PCP4: variants seen among roughly 807,000 people sequenced by gnomAD.
PCP4 encodes the protein Purkinje cell protein 4, also known as calmodulin regulator protein PCP4.
Under a neutral mutation model 10.0 loss-of-function variants are expected in PCP4, and 8 were observed. That is an observed-to-expected ratio of 0.80 (90% CI 0.47 to 1.45). The LOEUF (loss-of-function observed/expected upper bound fraction) is 1.45. PCP4 is among the 40% of genes most tolerant of loss of function. The pLI is 0.00. For synonymous variants in PCP4, 21 were observed against 23.0 expected (o/e 0.91, Z 0.24); for missense variants, 54 against 74.4 (o/e 0.73, Z 1.01).
chr21:39,928,308 A>G (rs1464505654), intron 2 of PCP4, among the ~76,000 whole-genome samples: 1 of 152,226 alleles, frequency 6.6e-6, no homozygotes, highest in African/African-American at 2.4e-5. Context: ...GGTAAGGTAT[A>G]CAGCACAGAG....
intron 2 of PCP4, among the ~76,000 whole-genome samples, chr21:39,899,890 A>G (rs1325120834): frequency 6.6e-6 from 1 of 152,186 alleles, no homozygotes; most frequent in East Asian, 1.9e-4. Flanking sequence ...ATAGGGGAGC[A>G]TAGGGCGCTG....
intron 2 of PCP4, among the ~76,000 whole-genome samples, chr21:39,913,556 C>T (rs4143343): frequency 0.92 from 140,501 of 152,320 alleles, 65,008 homozygotes; most frequent in African/African-American, 0.98. Context: ...TATACGGTAG[C>T]GTCTATTTCT....
At chr21:39,896,800 T>C (rs965632491) in intron 1 of PCP4, among the ~76,000 whole-genome samples, 41 of 152,196 alleles carry the variant, frequency 2.7e-4, no homozygotes, top group African/African-American at 9.2e-4. Flanking sequence ...GAATTTCTTA[T>C]GGCAATGTTG....
chr21:39,884,897 A>G (rs750253659), intron 1 of PCP4, among the ~76,000 whole-genome samples: 180 of 152,308 alleles, frequency 1.2e-3, no homozygotes, highest in Non-Finnish European at 9.4e-4. Context: ...CCTTGGCCCT[A>G]GAGCCCACAT....
chr21:39,926,317 T>C (rs920001934), intron 2 of PCP4: 14 of 174,180 alleles, frequency 8.0e-5, no homozygotes, highest in Admixed American at 3.1e-4. Flanking sequence ...CCTCACTGTT[T>C]CATTATATAT....
At chr21:39,915,713 G>T (rs78308060) in intron 2 of PCP4, among the ~76,000 whole-genome samples, 4 of 151,906 alleles carry the variant, frequency 2.6e-5, no homozygotes, top group East Asian at 1.9e-4. Context: ...TATGAACAGA[G>T]GGAAAAAATG....
chr21:39,894,934 C>A (rs532797352), intron 1 of PCP4, among the ~76,000 whole-genome samples: 2 of 152,300 alleles, frequency 1.3e-5, no homozygotes, highest in South Asian at 2.1e-4. Context: ...GAAAAAGAAT[C>A]TTTTCGTTGG....
intron 1 of PCP4, among the ~76,000 whole-genome samples, chr21:39,887,257 G>A (rs1467021557): frequency 1.3e-5 from 2 of 152,008 alleles, no homozygotes; most frequent in African/African-American, 4.8e-5. Flanking sequence ...GTCTTCCAGA[G>A]GTGAGAATGA....
At chr21:39,880,947 A>G (rs1427781923) in intron 1 of PCP4, among the ~76,000 whole-genome samples, 3 of 152,166 alleles carry the variant, frequency 2.0e-5, no homozygotes, top group East Asian at 1.9e-4. Flanking sequence ...TGGAACAAAT[A>G]TCTATTATGA....
At chr21:39,897,578 C>G (rs1225519866) in intron 1 of PCP4, among the ~76,000 whole-genome samples, 6 of 152,138 alleles carry the variant, frequency 3.9e-5, no homozygotes, top group Non-Finnish European at 8.8e-5. Context: ...GCTCCCCAGA[C>G]TTCACACCCA....
intron 2 of PCP4, among the ~76,000 whole-genome samples, chr21:39,903,859 C>G (rs558867332): frequency 7.8e-6 from 1 of 127,868 alleles, no homozygotes; most frequent in South Asian, 2.7e-4. Flanking sequence ...AAGAGTGGGA[C>G]TCCGTCTCAA....
At chr21:39,879,357 A>G (rs561269266) in intron 1 of PCP4, among the ~76,000 whole-genome samples, 1 of 152,228 alleles carries the variant, frequency 6.6e-6, no homozygotes, top group East Asian at 1.9e-4. Context: ...CTTCAAGTTC[A>G]TAGTTATTTT....
rs555333620 is a variant in PCP4, at chr21:39,906,091, GC to G, written c.61+7566del. On this transcript the variant is annotated intron_variant, in intron 2 of 2. Coordinates refer to ENST00000328619, the MANE Select transcript of PCP4 (RefSeq NM_006198.3). This position sits in a 1 kb window ranked among gnomAD's most constrained non-coding sequence, Gnocchi z 6.3. ...CTGTCTTCCCTTTGATGTTACCATGGCCTTGCAGGTGGGTTGGGAGAGGATC... is the reference window on the plus strand; with the variant it reads ...CTGTCTTCCCTTTGATGTTACCATGGCTTGCAGGTGGGTTGGGAGAGGATC... Among the ~76,000 whole-genome samples, 11 of 152,308 alleles carry G rather than the reference GC, an allele frequency of 7.2e-5. No homozygotes were observed. The South Asian group carries it at 2.3e-3, about 32-fold the overall frequency.
intron 2 of PCP4, among the ~76,000 whole-genome samples, chr21:39,902,654 G>A (rs982827937): frequency 3.3e-5 from 5 of 152,070 alleles, no homozygotes; most frequent in Admixed American, 6.5e-5. Context: ...ACTCAAACCC[G>A]ATGTTTCTAC....
At chr21:39,868,395 C>T (rs1287876021) in intron 1 of PCP4, among the ~76,000 whole-genome samples, 1 of 152,190 alleles carries the variant, frequency 6.6e-6, no homozygotes, top group East Asian at 1.9e-4. Flanking sequence ...AAATTAACAA[C>T]TTCAGAAATA....
At chr21:39,912,639 T>C (rs1025416571) in intron 2 of PCP4, among the ~76,000 whole-genome samples, 10 of 152,192 alleles carry the variant, frequency 6.6e-5, no homozygotes, top group African/African-American at 1.7e-4. Context: ...TTCACAACCC[T>C]GGGAAGAACT....
chr21:39,896,432 C>T (rs1468277924), intron 1 of PCP4, among the ~76,000 whole-genome samples: 1 of 152,200 alleles, frequency 6.6e-6, no homozygotes, highest in Non-Finnish European at 1.5e-5. Context: ...CCACCCAGTG[C>T]AGCAAACGTA....
chr21:39,904,493 A>T (rs1170305548), intron 2 of PCP4, among the ~76,000 whole-genome samples: 1 of 152,226 alleles, frequency 6.6e-6, no homozygotes. Flanking sequence ...TTGAGTGATC[A>T]CTATCATGCC....
intron 2 of PCP4, among the ~76,000 whole-genome samples, chr21:39,911,253 A>G (rs2087538717): frequency 6.6e-6 from 1 of 152,226 alleles, no homozygotes; most frequent in Non-Finnish European, 1.5e-5. Context: ...TGAAATAACA[A>G]CTATTTCAAC....
Sources: gnomAD v4.1 joint callset for allele counts (sites outside exome capture counted in the v4.1 genomes callset) on GRCh38, gnomAD v4.1.1 for gene constraint, Gnocchi (gnomAD v3.1) non-coding constraint, MANE v1.5 for transcripts, NCBI Gene and HGNC (gene_info 2026-07-23, HGNC 2026-07-21) for gene names.